GABRA4: variants seen among roughly 807,000 people sequenced by gnomAD.
The protein encoded by GABRA4 is gamma-aminobutyric acid receptor subunit alpha-4.
In GABRA4, 12 loss-of-function variants were observed where a neutral mutation model predicts 49.7. The observed-to-expected ratio is 0.24, with a 90% CI of 0.15 to 0.39. The LOEUF is 0.39. GABRA4 is among the 10% of genes least tolerant of loss of function. The pLI, the probability that GABRA4 is intolerant of heterozygous loss-of-function variation, is 1.00. For synonymous variants in GABRA4, 288 were observed against 240.2 expected (o/e 1.20, Z -1.84); for missense variants, 506 against 686.0 (o/e 0.74, Z 2.93).
At chr4:46,939,944 A>G (rs1489488419) in intron 8 of GABRA4, among the ~76,000 whole-genome samples, 1 of 152,042 alleles carries the variant, frequency 6.6e-6, no homozygotes, top group Non-Finnish European at 1.5e-5. Flanking sequence ...TATCCTCTAC[A>G]TTCAGGCATA....
chr4:46,969,635 C>T (rs1396185474), intron 7 of GABRA4, among the ~76,000 whole-genome samples: 6 of 151,532 alleles, frequency 4.0e-5, no homozygotes, highest in South Asian at 2.1e-4. Context: ...GTAATTAATA[C>T]GAACTAAGTG....
intron 8 of GABRA4, among the ~76,000 whole-genome samples, chr4:46,948,034 C>A (rs1035642476): frequency 6.6e-6 from 1 of 152,078 alleles, no homozygotes; most frequent in Non-Finnish European, 1.5e-5. Context: ...ATAGCAGCAC[C>A]AAATAAATTA....
At chr4:46,929,414 GT>G (rs2109935338) in intron 8 of GABRA4, among the ~76,000 whole-genome samples, 1 of 152,006 alleles carries the variant, frequency 6.6e-6, no homozygotes, top group Admixed American at 6.6e-5. Context: ...TTAGAAAAAG[GT>G]TGTATTAGAC....
Position 46,924,039 on chromosome 4 carries a change from A to G in GABRA4, c.*4186T>C, listed in dbSNP as rs1471199702. On this transcript the variant is annotated 3_prime_UTR_variant, in exon 9 of 9. Transcript: ENST00000264318. The stretch of plus-strand genomic sequence containing the variant: ...GGAATGGAGGCTATAAGAACTCCAA[A>G]TCATTCTATAAAATTTAGCTTAAGA... 3.3e-5 allele frequency: 5 copies of G among 152,046 alleles called. No homozygotes were observed. Among genetic ancestry groups the G allele is most frequent in the Admixed American group, 1.3e-4 (2 of 15,230 alleles). 9.4% of individuals were successfully genotyped at this position (152,046 alleles called of 1,614,324 possible). A position where few individuals can be genotyped will look rare whatever the true frequency, so the allele number is the denominator to read the frequency against.
rs1365406705 is a variant in GABRA4 at position 46,924,451 on chromosome 4, G to A, written c.*3774C>T. 4.0e-5 allele frequency: 6 copies of A among 151,760 alleles called. No individual in the cohort carries two copies. Among genetic ancestry groups the A allele is most frequent in the East Asian group, 1.9e-4 (1 of 5,172 alleles). 9.4% of individuals were successfully genotyped at this position (151,760 alleles called of 1,614,324 possible). A position where few individuals can be genotyped will look rare whatever the true frequency, so the allele number is the denominator to read the frequency against. On this transcript the variant is annotated 3_prime_UTR_variant, in exon 9 of 9. Coordinates refer to ENST00000264318, the MANE Select transcript of GABRA4 (RefSeq NM_000809.4). ...TGTCTATGCATCTATCATCTCTTCC[G>A]GACTGTGACTACCTGCAAGGAAAGG...
chr4:46,956,783 A>C (rs1933087187), intron 8 of GABRA4, among the ~76,000 whole-genome samples: 1 of 152,008 alleles, frequency 6.6e-6, no homozygotes, highest in Admixed American at 6.6e-5. Context: ...AAAATATATT[A>C]CTTTTTAAAA....
chr4:46,939,992 T>C (rs1169827011), intron 8 of GABRA4, among the ~76,000 whole-genome samples: 2 of 152,074 alleles, frequency 1.3e-5, no homozygotes, highest in African/African-American at 2.4e-5. Flanking sequence ...TTAGTTGATT[T>C]ATTCTACAGA....
chr4:46,951,294 A>G (rs903629028), intron 8 of GABRA4, among the ~76,000 whole-genome samples: 1 of 149,548 alleles, frequency 6.7e-6, no homozygotes, highest in Non-Finnish European at 1.5e-5. Context: ...ATATATTATT[A>G]AATATATACT....
At chr4:46,933,930 C>T (rs1157000922) in intron 8 of GABRA4, among the ~76,000 whole-genome samples, 1 of 152,138 alleles carries the variant, frequency 6.6e-6, no homozygotes, top group East Asian at 1.9e-4. Flanking sequence ...AAAGCAGCAA[C>T]AGGCAAACAG....
At chr4:46,948,752 A>G (rs1228188878) in intron 8 of GABRA4, among the ~76,000 whole-genome samples, 1 of 152,080 alleles carries the variant, frequency 6.6e-6, no homozygotes, top group African/African-American at 2.4e-5. Flanking sequence ...TGAAACGTTA[A>G]GGTATCTTTG....
chr4:46,978,326 TA>T (rs1292414620), intron 3 of GABRA4, among the ~76,000 whole-genome samples: 3 of 151,998 alleles, frequency 2.0e-5, no homozygotes, highest in Admixed American at 2.0e-4. Context: ...AACTATAAAA[TA>T]GTGTACACGA....
intron 8 of GABRA4, among the ~76,000 whole-genome samples, chr4:46,959,668 C>T (rs1459956301): frequency 6.9e-6 from 1 of 144,964 alleles, no homozygotes; most frequent in Non-Finnish European, 1.5e-5. Context: ...TTTGGAAATT[C>T]AGCAGAATGG....
intron 1 of GABRA4, among the ~76,000 whole-genome samples, 157 bp downstream of exon 1, chr4:46,993,182 T>C (rs1235376009): frequency 2.6e-5 from 4 of 152,190 alleles, no homozygotes; most frequent in Non-Finnish European, 4.4e-5. Flanking sequence ...TCTCCGCATC[T>C]ATGCGGTCAC....
rs562865564 is a variant in GABRA4 at position 46,950,010 on chromosome 4, A to G, written c.1134+14960T>C. Among the ~76,000 whole-genome samples, 5 of 152,230 alleles carry G rather than the reference A, an allele frequency of 3.3e-5. No homozygotes were observed. In the South Asian group the frequency reaches 6.2e-4, roughly 19 times the overall value. On this transcript the variant is annotated intron_variant, in intron 8 of 8. Coordinates refer to ENST00000264318, the MANE Select transcript of GABRA4 (RefSeq NM_000809.4). ...CAGTCCCAAAATGTATTCTTGTTCT[A>G]TGTATAACAGGTAACCTCCTTGGTG...
Position 46,928,519 on chromosome 4 carries a change from A to T in GABRA4, c.1371T>A (p.Thr457=). ...AARALPSASP[T]SIRTGYMPRK... is the part of the protein sequence containing the mutation. ...GAGGCATATATCCAGTTCGGATAGA[A>T]GTAGGAGAAGCAGATGGAAGTGCTC... Residue 457 remains threonine (T), a synonymous_variant, in exon 9 of 9, where the codon ACT becomes ACA. Coordinates refer to ENST00000264318, the MANE Select transcript of GABRA4 (RefSeq NM_000809.4). 1 of 1,613,678 alleles carries T rather than the reference A, an allele frequency of 6.2e-7. No homozygotes were observed. The highest frequency in any genetic ancestry group is 1.3e-5 in the African/African-American group (1 of 75,030).
intron 8 of GABRA4, among the ~76,000 whole-genome samples, chr4:46,948,964 A>G (rs1429556073): frequency 6.6e-6 from 1 of 152,114 alleles, no homozygotes; most frequent in Non-Finnish European, 1.5e-5. Context: ...ATAGTCTGGT[A>G]ACAAAATCTC....
chr4:46,930,515 T>TA (rs1469531740), intron 8 of GABRA4, among the ~76,000 whole-genome samples: 2 of 151,488 alleles, frequency 1.3e-5, no homozygotes, highest in African/African-American at 2.4e-5. Context: ...CATGATACAA[T>TA]AAAAAATATA....
At position 46,928,438 on chromosome 4, in the gene GABRA4, C is replaced by T. The variant is rs200015409; in HGVS notation, c.1452G>A (p.Gln484=). 36 of 1,613,636 alleles carry T rather than the reference C, an allele frequency of 2.2e-5. No homozygotes were observed. Among genetic ancestry groups the T allele is most frequent in the Non-Finnish European group, 2.5e-6 (3 of 1,179,696 alleles). ...TGGTATTAACTGTGGTCTTTATCCTCTGCAGTCTTGATCCAAACACGTGAC... is the reference window on the plus strand; with the variant it reads ...TGGTATTAACTGTGGTCTTTATCCTTTGCAGTCTTGATCCAAACACGTGAC... ...STRHVFGSRL[Q]RIKTTVNTIG... is the part of the protein sequence containing the mutation. The change falls in exon 9 of 9, where the codon CAG becomes CAA. Residue 484 remains glutamine, a synonymous_variant. Coordinates refer to ENST00000264318, the MANE Select transcript of GABRA4 (RefSeq NM_000809.4).
At chr4:46,968,553 G>A (rs1722846891) in intron 7 of GABRA4, among the ~76,000 whole-genome samples, 1 of 151,488 alleles carries the variant, frequency 6.6e-6, no homozygotes, top group African/African-American at 2.4e-5. Context: ...TTTTATACAA[G>A]TTTCTTAATA....
Sources: gnomAD v4.1 joint callset for allele counts (sites outside exome capture counted in the v4.1 genomes callset) on GRCh38, gnomAD v4.1.1 for gene constraint, MANE v1.5 for transcripts, NCBI Gene and HGNC (gene_info 2026-07-23, HGNC 2026-07-21) for gene names.